The following DSCAML1 variants were observed in gnomAD, a reference collection of about 807,000 sequenced individuals.
DSCAML1 encodes the protein cell adhesion molecule DSCAML1.
In DSCAML1, 38 loss-of-function variants were observed where a neutral mutation model predicts 200.5. That is an observed-to-expected ratio of 0.19 (90% CI 0.15 to 0.25). The LOEUF (loss-of-function observed/expected upper bound fraction) is 0.25, where lower values mean the gene tolerates loss of function less well. DSCAML1 is among the 10% of genes least tolerant of loss of function. The probability of loss-of-function intolerance (pLI) is 1.00; values close to 1 mark genes in which losing one functional copy is unlikely to be tolerated. For synonymous variants in DSCAML1, 1,215 were observed against 1,165.0 expected, an observed-to-expected ratio of 1.04 and a Z score of -0.87; for missense variants, 2,223 against 2,858.8, an observed-to-expected ratio of 0.78 and a Z score of 5.07.
chr11:117,704,297 C>T (rs2053721036), intron 3 of DSCAML1, among the ~76,000 whole-genome samples: 1 of 152,074 alleles, frequency 6.6e-6, no homozygotes, highest in Admixed American at 6.5e-5. Context: ...CCTTGAAAAG[C>T]TCAGTGTCCT....
chr11:117,728,542 C>T (rs200808930), intron 3 of DSCAML1, among the ~76,000 whole-genome samples: 2 of 148,272 alleles, frequency 1.3e-5, no homozygotes, highest in East Asian at 3.9e-4. Context: ...ATAAAAAACC[C>T]TTAGGAATTC....
At chr11:117,433,305 G>A (rs750440853) in intron 28 of DSCAML1, 49 bp from the exon 29 acceptor site, 13 of 1,572,108 alleles carry the variant, frequency 8.3e-6, no homozygotes, top group Non-Finnish European at 9.5e-6. Flanking sequence ...ATAAGGGGTT[G>A]GGGAAGGGGG....
intron 3 of DSCAML1, among the ~76,000 whole-genome samples, chr11:117,574,555 G>A (rs551493793): frequency 1.3e-5 from 2 of 152,218 alleles, no homozygotes; most frequent in East Asian, 1.9e-4. Context: ...CAGTGGACAC[G>A]AACTTGGTGA....
chr11:117,624,809 A>G (rs1289657730), intron 3 of DSCAML1, among the ~76,000 whole-genome samples: 1 of 152,200 alleles, frequency 6.6e-6, no homozygotes, highest in Non-Finnish European at 1.5e-5. Flanking sequence ...GGAAGAGAAG[A>G]CATCTAGCAA....
chr11:117,439,198 A>G, intron 23 of DSCAML1, 68 bp downstream of exon 23: 2 of 1,576,890 alleles, frequency 1.3e-6, no homozygotes, highest in Non-Finnish European at 1.7e-6. Flanking sequence ...ACCCTCTCGC[A>G]TGATGGAATC....
chr11:117,579,536 C>A (rs889730353), intron 3 of DSCAML1, among the ~76,000 whole-genome samples: 1 of 152,230 alleles, frequency 6.6e-6, no homozygotes, highest in Non-Finnish European at 1.5e-5. Flanking sequence ...GTCCCCTCTG[C>A]AGACAGGCCT....
chr11:117,548,115 T>C (rs895898880), intron 3 of DSCAML1, among the ~76,000 whole-genome samples: 1 of 152,206 alleles, frequency 6.6e-6, no homozygotes, highest in Non-Finnish European at 1.5e-5. Context: ...AGGGCAGGTG[T>C]GGATCCCAGC....
chr11:117,740,723 C>T (rs2054406433), intron 3 of DSCAML1, among the ~76,000 whole-genome samples: 1 of 152,236 alleles, frequency 6.6e-6, no homozygotes, highest in South Asian at 2.1e-4. Flanking sequence ...TAGCAAGGGG[C>T]AAGCCCCAGC....
At chr11:117,564,654 TC>T (rs1486402010) in intron 3 of DSCAML1, among the ~76,000 whole-genome samples, 5 of 152,064 alleles carry the variant, frequency 3.3e-5, no homozygotes, top group Non-Finnish European at 7.4e-5. Flanking sequence ...TTTCTTTCTT[TC>T]TTTTTCTTTC....
rs915242571 is a variant in DSCAML1 at position 117,505,371 on chromosome 11, T to C, written c.2062+83A>G. 7 of 1,536,900 alleles carry C rather than the reference T, an allele frequency of 4.6e-6. No individual in the cohort carries two copies. The African/African-American group carries it at 5.4e-5, about 12-fold the overall frequency. Reference sequence around the variant, plus strand: ...GAGCCCACCTTCCATGAGCCCGTGATTGGAACTGGAAATCTAGAGACTGCA... The same window carrying C: ...GAGCCCACCTTCCATGAGCCCGTGACTGGAACTGGAAATCTAGAGACTGCA... On this transcript the variant is annotated intron_variant, in intron 9 of 32. Transcript: ENST00000651296. This position sits in a 1 kb window ranked among gnomAD's most constrained non-coding sequence, Gnocchi z 6.7.
At chr11:117,530,698 G>A (rs1432973595) in intron 4 of DSCAML1, among the ~76,000 whole-genome samples, 2 of 152,072 alleles carry the variant, frequency 1.3e-5, no homozygotes, top group East Asian at 3.9e-4. Flanking sequence ...AGTGGAAGTG[G>A]TCCTGGAGAG....
chr11:117,654,981 C>T (rs112598310), intron 3 of DSCAML1, among the ~76,000 whole-genome samples: 21 of 152,334 alleles, frequency 1.4e-4, no homozygotes, highest in African/African-American at 4.3e-4. Context: ...CCTCTGCCCA[C>T]GCTTGTCTCC....
chr11:117,511,032 C>T (rs909322545), intron 8 of DSCAML1, among the ~76,000 whole-genome samples: 1 of 152,202 alleles, frequency 6.6e-6, no homozygotes, highest in Non-Finnish European at 1.5e-5. Context: ...GGCTGACTCT[C>T]CCTTAAGCTT....
chr11:117,766,121 C>G (rs1410383430), intron 3 of DSCAML1, among the ~76,000 whole-genome samples: 1 of 152,224 alleles, frequency 6.6e-6, no homozygotes, highest in Non-Finnish European at 1.5e-5. Context: ...ATGCAGTGAG[C>G]CTTGTGGCAT....
chr11:117,575,793 C>T (rs2050921345), intron 3 of DSCAML1, among the ~76,000 whole-genome samples: 1 of 152,144 alleles, frequency 6.6e-6, no homozygotes, highest in Non-Finnish European at 1.5e-5. Context: ...GATCATGCCA[C>T]TGCACTCCAG....
intron 3 of DSCAML1, among the ~76,000 whole-genome samples, chr11:117,578,691 A>G (rs2050992918): frequency 6.6e-6 from 1 of 152,130 alleles, no homozygotes; most frequent in South Asian, 2.1e-4. Context: ...AAAAATATAA[A>G]TATAAAATAA....
At chr11:117,792,879 G>A (rs188568976) in intron 1 of DSCAML1, among the ~76,000 whole-genome samples, 156 of 152,342 alleles carry the variant, frequency 1.0e-3, no homozygotes, top group Non-Finnish European at 2.9e-4. Flanking sequence ...AATATCCCCA[G>A]TGCCACTGTC....
intron 1 of DSCAML1, among the ~76,000 whole-genome samples, chr11:117,809,976 C>T (rs1591526798): frequency 6.7e-6 from 1 of 149,480 alleles, no homozygotes; most frequent in East Asian, 1.9e-4. Flanking sequence ...CATTCACACA[C>T]ACTCATACAC....
intron 11 of DSCAML1, among the ~76,000 whole-genome samples, chr11:117,491,401 G>A (rs2137247314): frequency 6.6e-6 from 1 of 152,320 alleles, no homozygotes; most frequent in Non-Finnish European, 1.5e-5. Flanking sequence ...AATTGCCCCT[G>A]GTCACATGGC....
Sources: allele counts gnomAD v4.1 joint callset (sites outside exome capture counted in the v4.1 genomes callset), GRCh38; gene constraint gnomAD v4.1.1; non-coding constraint Gnocchi (gnomAD v3.1); transcripts MANE v1.5; gene names NCBI Gene and HGNC (gene_info 2026-07-23, HGNC 2026-07-21).